MACROD2: variants seen among roughly 807,000 people sequenced by gnomAD.
MACROD2 encodes ADP-ribose glycohydrolase MACROD2.
In MACROD2, 36 loss-of-function variants were observed where a neutral mutation model predicts 70.4. The observed-to-expected ratio is 0.51, with a 90% confidence interval of 0.39 to 0.68. The LOEUF is 0.68. Among genes scored for constraint, MACROD2 ranks in the 30% least tolerant of loss-of-function variants. MACROD2 has a pLI of 0.00. For missense variants in MACROD2, 496 were observed against 538.4 expected (o/e 0.92, Z 0.78); for synonymous variants, 172 against 178.8 (o/e 0.96, Z 0.30).
intron 3 of MACROD2, among the ~76,000 whole-genome samples, chr20:14,226,259 A>T (rs2081732158): frequency 6.6e-6 from 1 of 152,164 alleles, no homozygotes; most frequent in African/African-American, 2.4e-5. Flanking sequence ...CCCTTAGCAG[A>T]GGTATTGGCA....
chr20:15,729,809 C>T (rs928104022), intron 8 of MACROD2, among the ~76,000 whole-genome samples: 16 of 120,874 alleles, frequency 1.3e-4, no homozygotes, highest in African/African-American at 5.0e-4. Flanking sequence ...GTGTCTTGAA[C>T]ACAGCATGCA....
intron 3 of MACROD2, among the ~76,000 whole-genome samples, chr20:14,125,451 G>A (rs770096196): frequency 1.3e-5 from 2 of 152,068 alleles, no homozygotes; most frequent in Non-Finnish European, 2.9e-5. Flanking sequence ...GGTAAGATCA[G>A]TTTTAAAATT....
intron 3 of MACROD2, among the ~76,000 whole-genome samples, chr20:14,130,679 A>C (rs1432789066): frequency 6.6e-6 from 1 of 152,212 alleles, no homozygotes; most frequent in Non-Finnish European, 1.5e-5. Flanking sequence ...ACCCATAAGC[A>C]GGGCTTGTTG....
intron 8 of MACROD2, among the ~76,000 whole-genome samples, chr20:15,841,899 C>T (rs1055801471): frequency 4.6e-5 from 7 of 152,102 alleles, no homozygotes; most frequent in African/African-American, 1.7e-4. Flanking sequence ...TTCAGTTCTA[C>T]CCCATTTCCT....
chr20:14,117,925 C>T (rs767036929), intron 3 of MACROD2, among the ~76,000 whole-genome samples: 26 of 152,118 alleles, frequency 1.7e-4, no homozygotes, highest in Non-Finnish European at 3.5e-4. Context: ...ATGGATTTTA[C>T]TTCCATGACT....
chr20:14,413,001 A>T (rs1907076282), intron 3 of MACROD2, among the ~76,000 whole-genome samples: 1 of 152,126 alleles, frequency 6.6e-6, no homozygotes, highest in African/African-American at 2.4e-5. Flanking sequence ...CTCCTAGGAG[A>T]CTTGAAACCA....
intron 8 of MACROD2, among the ~76,000 whole-genome samples, chr20:15,613,324 A>G (rs544941046): frequency 6.6e-6 from 1 of 152,316 alleles, no homozygotes; most frequent in African/African-American, 2.4e-5. Flanking sequence ...CTTTATTGGC[A>G]TGTGAGCATG....
intron 5 of MACROD2, among the ~76,000 whole-genome samples, chr20:14,954,393 C>G (rs1328690847): frequency 6.7e-5 from 10 of 150,206 alleles, no homozygotes; most frequent in Non-Finnish European, 1.5e-5. Flanking sequence ...GACTTGTCAT[C>G]TGGGTGAACC....
intron 13 of MACROD2, among the ~76,000 whole-genome samples, chr20:15,984,631 T>TCC (rs57030785): frequency 1.0e-4 from 15 of 147,902 alleles, no homozygotes; most frequent in African/African-American, 2.3e-4. Flanking sequence ...AAATTTTGCC[T>TCC]CCCCCCCCCG....
At chr20:14,694,439 A>G (rs1180176676) in intron 5 of MACROD2, among the ~76,000 whole-genome samples, 1 of 152,204 alleles carries the variant, frequency 6.6e-6, no homozygotes, top group Non-Finnish European at 1.5e-5. Flanking sequence ...TTTCTGCTGA[A>G]GGTACTGCCT....
At chr20:14,240,727 CTTAA>C (rs1303100570) in intron 3 of MACROD2, among the ~76,000 whole-genome samples, 1 of 152,158 alleles carries the variant, frequency 6.6e-6, no homozygotes, top group Non-Finnish European at 1.5e-5. Flanking sequence ...TCAAAAGCTA[CTTAA>C]GAGGTACTAT....
chr20:14,079,920 C>G lies in MACROD2; in HGVS notation c.164-5701C>G, dbSNP rs143492962. ...GGTGAGCCAGCATCTTCCCTACCCC[C>G]AGTCTGTGGAAAAATTGTCATCCAC... On this transcript the variant is annotated intron_variant, in intron 2 of 17. Transcript: ENST00000684519. Among the ~76,000 whole-genome samples the G allele has an allele frequency of 6.0e-3, 907 of 152,212 alleles. 19 individuals are homozygous for G. The highest frequency in any genetic ancestry group is 0.04 in the Admixed American group (616 of 15,278).
At chr20:15,517,857 T>C (rs2047591607) in intron 8 of MACROD2, among the ~76,000 whole-genome samples, 1 of 152,184 alleles carries the variant, frequency 6.6e-6, no homozygotes, top group Non-Finnish European at 1.5e-5. Flanking sequence ...GAACTCATAG[T>C]CTTAACAGAT....
At chr20:15,134,567 AGT>A (rs894740442) in intron 5 of MACROD2, among the ~76,000 whole-genome samples, 52 of 152,244 alleles carry the variant, frequency 3.4e-4, no homozygotes, top group African/African-American at 1.2e-3. Context: ...CATTCAAAGC[AGT>A]GTGTAGAGGG....
At chr20:14,457,252 TTTA>T (rs1249649566) in intron 3 of MACROD2, among the ~76,000 whole-genome samples, 8 of 152,078 alleles carry the variant, frequency 5.3e-5, no homozygotes, top group African/African-American at 1.7e-4. Flanking sequence ...TTTTCTAGTT[TTTA>T]TTAGTTTTGA....
chr20:15,014,048 G>C (rs1415343147), intron 5 of MACROD2, among the ~76,000 whole-genome samples: 1 of 152,122 alleles, frequency 6.6e-6, no homozygotes, highest in Non-Finnish European at 1.5e-5. Flanking sequence ...TCAACAAATT[G>C]ACCACTTGTT....
chr20:14,287,033 C>G (rs1000885145), intron 3 of MACROD2, among the ~76,000 whole-genome samples: 1 of 152,108 alleles, frequency 6.6e-6, no homozygotes, highest in Non-Finnish European at 1.5e-5. Context: ...CTCATCCTGA[C>G]TGCATTGAGT....
intron 6 of MACROD2, among the ~76,000 whole-genome samples, chr20:15,233,983 T>TTATA (rs1312226727): frequency 0.021 from 925 of 43,814 alleles, 30 homozygotes; most frequent in East Asian, 0.1. Flanking sequence ...ATATATTTAT[T>TTATA]TATATATATA....
At chr20:14,004,694 TAAAGG>T (rs1294480266) in intron 2 of MACROD2, among the ~76,000 whole-genome samples, 1 of 152,062 alleles carries the variant, frequency 6.6e-6, no homozygotes, top group African/African-American at 2.4e-5. Context: ...CAAAAAATAA[TAAAGG>T]AAAACTATAC....
Sources: gnomAD v4.1 joint callset for allele counts (sites outside exome capture counted in the v4.1 genomes callset) on GRCh38, gnomAD v4.1.1 for gene constraint, MANE v1.5 for transcripts, NCBI Gene and HGNC (gene_info 2026-07-23, HGNC 2026-07-21) for gene names.